The following MAPK10 variants were observed in gnomAD, a reference collection of about 807,000 sequenced individuals.
MAPK10 encodes JNK3 alpha protein kinase.
Under a neutral mutation model 59.3 loss-of-function variants are expected in MAPK10, and 25 were observed. The ratio of observed to expected loss-of-function variants is 0.42; its 90% CI spans 0.31 to 0.59. The LOEUF is 0.59. Ranked by LOEUF, MAPK10 falls within the 20% of genes least tolerant of loss-of-function variation. MAPK10 has a pLI of 0.15. For synonymous variants in MAPK10, 190 were observed against 200.5 expected (o/e 0.95, Z 0.44); for missense variants, 351 against 568.9 (o/e 0.62, Z 3.90).
chr4:86,016,130 G>A lies in MAPK10; in HGVS notation c.*1098C>T, dbSNP rs1381059111. The A allele has an allele frequency of 6.6e-6, 1 of 152,158 alleles. No individual in the cohort carries two copies. The highest frequency in any genetic ancestry group is 2.4e-5 in the African/African-American group (1 of 41,414). The allele number at this position is 152,158 out of a possible 1,614,324, so 9.4% of individuals were successfully genotyped here. ...GGAGGCAATTCTGCTCAGTTCCAGAGAGAGATTCTTATCATCAAAAGCACA... is the reference window on the plus strand; with the variant it reads ...GGAGGCAATTCTGCTCAGTTCCAGAAAGAGATTCTTATCATCAAAAGCACA... On this transcript the variant is annotated 3_prime_UTR_variant, in exon 14 of 14. Coordinates refer to ENST00000641462, the MANE Select transcript of MAPK10 (RefSeq NM_138982.4).
chr4:86,553,177 TTACCTAGTAGTAAA>T (rs1759992292), intron 1 of MAPK10, among the ~76,000 whole-genome samples: 1 of 152,158 alleles, frequency 6.6e-6, no homozygotes, highest in African/African-American at 2.4e-5. Flanking sequence ...AGGGAAGTAT[TTACCTAGTAGTAAA>T]TACCTAGTAG....
At chr4:86,557,594 A>T in intron 1 of MAPK10, among the ~76,000 whole-genome samples, 1 of 152,054 alleles carries the variant, frequency 6.6e-6, no homozygotes, top group Non-Finnish European at 1.5e-5. Context: ...AAATTTAATA[A>T]TATTTTGAAG....
intron 3 of MAPK10, among the ~76,000 whole-genome samples, chr4:86,174,425 C>G (rs576278608): frequency 6.6e-6 from 1 of 152,152 alleles, no homozygotes; most frequent in African/African-American, 2.4e-5. Context: ...AATGAGAGCA[C>G]ATGGACGCAG....
chr4:86,426,505 G>A (rs1303077952), intron 1 of MAPK10, among the ~76,000 whole-genome samples: 1 of 152,190 alleles, frequency 6.6e-6, no homozygotes, highest in African/African-American at 2.4e-5. Flanking sequence ...AATGGTGGGA[G>A]ACAAAATAAA....
chr4:86,216,929 T>A (rs2148626083), intron 2 of MAPK10, among the ~76,000 whole-genome samples: 1 of 152,248 alleles, frequency 6.6e-6, no homozygotes, highest in East Asian at 1.9e-4. Flanking sequence ...TAAGGTGAAA[T>A]ATTATTACAG....
At chr4:86,122,764 A>T (rs1234707860) in intron 4 of MAPK10, among the ~76,000 whole-genome samples, 2 of 152,102 alleles carry the variant, frequency 1.3e-5, no homozygotes, top group African/African-American at 4.8e-5. Context: ...TTGAAAATTG[A>T]TGTGGATGGT....
chr4:86,492,914 G>A (rs1754582934), intron 1 of MAPK10, among the ~76,000 whole-genome samples: 1 of 152,200 alleles, frequency 6.6e-6, no homozygotes. Context: ...AATATGGCCT[G>A]AGAAGGACTC....
chr4:86,176,085 A>G (rs1375612447), intron 3 of MAPK10: 1 of 152,180 alleles, frequency 6.6e-6, no homozygotes, highest in African/African-American at 2.4e-5. Context: ...ACCTACTGAA[A>G]AATGCAGCCT....
At chr4:86,560,096 A>G (rs978819398) in intron 1 of MAPK10, among the ~76,000 whole-genome samples, 82 of 152,354 alleles carry the variant, frequency 5.4e-4, no homozygotes, top group African/African-American at 1.9e-3. Flanking sequence ...TAATTTCAGC[A>G]GTAACCATTT....
intron 1 of MAPK10, among the ~76,000 whole-genome samples, chr4:86,544,466 A>G (rs1039884332): frequency 6.6e-6 from 1 of 152,218 alleles, no homozygotes; most frequent in African/African-American, 2.4e-5. Context: ...AGCCACAAAC[A>G]TCTAAATAGT....
chr4:86,155,578 T>C (rs2067529839), intron 4 of MAPK10, among the ~76,000 whole-genome samples: 1 of 151,984 alleles, frequency 6.6e-6, no homozygotes, highest in Non-Finnish European at 1.5e-5. Context: ...ATATACTATG[T>C]TTTTTCCTAC....
At chr4:86,089,180 A>G (rs1383227698) in intron 9 of MAPK10, 33 of 1,584,584 alleles carry the variant, frequency 2.1e-5, no homozygotes, top group Non-Finnish European at 2.8e-5. Flanking sequence ...ACACCCATAG[A>G]TACCACTGGC....
intron 4 of MAPK10, among the ~76,000 whole-genome samples, chr4:86,110,433 T>A (rs1243610597): frequency 6.6e-6 from 1 of 152,202 alleles, no homozygotes; most frequent in Non-Finnish European, 1.5e-5. Flanking sequence ...CAGTTTCAAT[T>A]TTCTGCATAT....
rs147272901 is a variant in MAPK10, at chr4:86,518,547, T to C, written c.-263+75363A>G. ...TCACTAACGGTCTATTGATTTTGTA[T>C]ATCTTTTCAAAAACCAGCTTTTTGT... On this transcript the variant is annotated intron_variant, in intron 1 of 4. Coordinates refer to the MAPK10 transcript ENST00000502302. 1.4e-3 allele frequency among the ~76,000 whole-genome samples: 212 copies of C among 152,348 alleles called. 1 individual carries two copies. Among genetic ancestry groups the C allele is most frequent in the African/African-American group, 4.6e-3 (190 of 41,584 alleles).
chr4:86,232,979 C>A (rs1438259662), intron 2 of MAPK10, among the ~76,000 whole-genome samples: 1 of 152,148 alleles, frequency 6.6e-6, no homozygotes, highest in Non-Finnish European at 1.5e-5. Flanking sequence ...GAAGGGGCGA[C>A]TGCTTGTGTC....
chr4:86,542,905 G>A (rs1758838912), intron 1 of MAPK10, among the ~76,000 whole-genome samples: 1 of 152,138 alleles, frequency 6.6e-6, no homozygotes, highest in Non-Finnish European at 1.5e-5. Flanking sequence ...TGAAAGTGCA[G>A]CTAGTGCTTG....
chr4:86,314,100 A>G (rs772218241), intron 2 of MAPK10, among the ~76,000 whole-genome samples: 8 of 152,164 alleles, frequency 5.3e-5, no homozygotes, highest in Non-Finnish European at 1.0e-4. Context: ...TTTACCATAT[A>G]ATGCCATTTA....
At chr4:86,416,080 C>T (rs567403901) in intron 1 of MAPK10, among the ~76,000 whole-genome samples, 3 of 152,292 alleles carry the variant, frequency 2.0e-5, no homozygotes, top group African/African-American at 7.2e-5. Context: ...CCCAGTATGA[C>T]TGCTTTAGGA....
At chr4:86,055,949 T>A (rs1478225310) in intron 11 of MAPK10, among the ~76,000 whole-genome samples, 1 of 150,044 alleles carries the variant, frequency 6.7e-6, no homozygotes, top group Non-Finnish European at 1.5e-5. Flanking sequence ...CTATTAACTA[T>A]TTTAAGTACA....
Sources: gnomAD v4.1 joint callset for allele counts (sites outside exome capture counted in the v4.1 genomes callset) on GRCh38, gnomAD v4.1.1 for gene constraint, MANE v1.5 for transcripts, NCBI Gene and HGNC (gene_info 2026-07-23, HGNC 2026-07-21) for gene names.